Variants in FER1L6 observed in about 807,000 individuals in gnomAD.
FER1L6 encodes the protein fer-1 like family member 6, also known as fer-1-like protein 6.
Under a neutral mutation model 219.2 loss-of-function variants are expected in FER1L6, and 177 were observed. The ratio of observed to expected loss-of-function variants is 0.81; its 90% confidence interval spans 0.71 to 0.91. FER1L6 has a LOEUF of 0.91. Among genes scored for constraint, FER1L6 ranks in the 40% least tolerant of loss-of-function variants. The pLI, the probability that FER1L6 is intolerant of heterozygous loss-of-function variation, is 0.00. For missense variants in FER1L6, 2,153 were observed against 2,259.9 expected, an observed-to-expected ratio of 0.95 and a Z score of 0.96; for synonymous variants, 768 against 824.3, an observed-to-expected ratio of 0.93 and a Z score of 1.17.
At chr8:124,058,994 A>C (rs1820434304) in intron 22 of FER1L6, 1 of 152,234 alleles carries the variant, frequency 6.6e-6, no homozygotes, top group African/African-American at 2.4e-5. Context: ...GAATGGTGAT[A>C]TATTTGCATT....
intron 12 of FER1L6, among the ~76,000 whole-genome samples, chr8:123,987,726 A>T (rs566502902): frequency 6.6e-6 from 1 of 152,250 alleles, no homozygotes; most frequent in Non-Finnish European, 1.5e-5. Context: ...GTCTAGTTTC[A>T]TTCTTCTTTA....
intron 12 of FER1L6, among the ~76,000 whole-genome samples, chr8:123,999,898 C>T (rs1453494389): frequency 1.3e-5 from 2 of 152,112 alleles, no homozygotes; most frequent in African/African-American, 4.8e-5. Flanking sequence ...GCTTATGTCT[C>T]ACTAGGGCAT....
At chr8:123,934,367 A>T (rs1032823236) in intron 1 of FER1L6, among the ~76,000 whole-genome samples, 2 of 151,588 alleles carry the variant, frequency 1.3e-5, no homozygotes, top group Non-Finnish European at 2.9e-5. Context: ...TTTAGTCACA[A>T]TGTTTCTAGT....
chr8:124,083,404 T>C (rs991508285), intron 33 of FER1L6, among the ~76,000 whole-genome samples: 1 of 152,288 alleles, frequency 6.6e-6, no homozygotes, highest in African/African-American at 2.4e-5. Flanking sequence ...TTTTTGCATA[T>C]GATGAGACAC....
intron 12 of FER1L6, among the ~76,000 whole-genome samples, chr8:123,995,436 T>C (rs182411250): frequency 6.6e-6 from 1 of 152,320 alleles, no homozygotes; most frequent in East Asian, 1.9e-4. Context: ...ATCCATTTCT[T>C]CTAGGTTTTC....
rs1815730012 is a variant in FER1L6 at position 123,970,058 on chromosome 8, G to GC, written c.412dup (p.Gln138ProfsTer6). On this transcript the variant is annotated frameshift_variant, in exon 6 of 41. Transcript: ENST00000522917. LOFTEE classifies it high-confidence loss of function. ...AGTACTTTGTCTTCGACTTCATTGG[G>GC]CCCCAAGTGCATCTTTTTGACAAGA... 6.2e-7 allele frequency: 1 copy of GC among 1,613,842 alleles called. No homozygotes were observed. Among genetic ancestry groups the GC allele is most frequent in the Admixed American group, 1.7e-5 (1 of 59,980 alleles).
chr8:124,017,678 C>A lies in FER1L6; in HGVS notation c.1973C>A (p.Thr658Asn). ...EKKPKMLNQT[T>N]LDKKRLTLCW... is the part of the protein sequence containing the mutation. ...AAGCCCAAGATGTTGAACCAAACCACTTTAGATAAGAAGCGACTTACGCTC... is the reference window on the plus strand; with the variant it reads ...AAGCCCAAGATGTTGAACCAAACCAATTTAGATAAGAAGCGACTTACGCTC... Residue 658 changes from threonine to asparagine, a missense_variant, in exon 16 of 41, where the codon ACT becomes AAT. Coordinates refer to ENST00000522917, the MANE Select transcript of FER1L6 (RefSeq NM_001039112.2). The A allele has an allele frequency of 6.2e-7, 1 of 1,613,872 alleles. No homozygotes were observed. Among genetic ancestry groups the A allele is most frequent in the Non-Finnish European group, 8.5e-7 (1 of 1,179,794 alleles).
chr8:123,997,544 C>A (rs1405423252), intron 12 of FER1L6, among the ~76,000 whole-genome samples: 2 of 152,068 alleles, frequency 1.3e-5, no homozygotes, highest in South Asian at 2.1e-4. Context: ...ATATTGAAAT[C>A]TTTCTCTAGG....
intron 18 of FER1L6, among the ~76,000 whole-genome samples, chr8:124,027,161 T>A (rs186627327): frequency 4.2e-4 from 64 of 152,304 alleles, no homozygotes; most frequent in African/African-American, 1.4e-3. Context: ...ACTAATTATA[T>A]CTGCATTGAC....
rs975087259 is a variant in FER1L6 at position 124,076,262 on chromosome 8, G to T, written c.4157G>T (p.Gly1386Val). The T allele has an allele frequency of 3.1e-6, 5 of 1,613,922 alleles. No individual in the cohort carries two copies. In the African/African-American group the frequency reaches 6.7e-5, roughly 22 times the overall value. The change falls in exon 32 of 41, where the codon GGC becomes GTC. Residue 1386 changes from glycine (G) to valine (V), a missense_variant. Transcript: ENST00000522917. ...KSDPYIVIKL[G>V]KTEIKDRDKY... Reference sequence around the variant, plus strand: ...GATCCCTACATTGTGATCAAGCTTGGCAAGACAGAAATCAAAGACCGGGAT... The same window carrying T: ...GATCCCTACATTGTGATCAAGCTTGTCAAGACAGAAATCAAAGACCGGGAT...
At chr8:123,898,642 T>TA (rs1812789309) in intron 1 of FER1L6, among the ~76,000 whole-genome samples, 7 of 123,348 alleles carry the variant, frequency 5.7e-5, no homozygotes, top group Admixed American at 8.2e-5. Flanking sequence ...AGTATTCCAT[T>TA]TTATATATAT....
chr8:123,987,663 T>C (rs1816654137), intron 12 of FER1L6, among the ~76,000 whole-genome samples: 2 of 152,216 alleles, frequency 1.3e-5, no homozygotes, highest in Admixed American at 6.5e-5. Context: ...AGGACTTAGA[T>C]TTAAGTCTTT....
intron 33 of FER1L6, among the ~76,000 whole-genome samples, chr8:124,084,484 T>A (rs1821704698): frequency 6.6e-6 from 1 of 152,150 alleles, no homozygotes; most frequent in African/African-American, 2.4e-5. Flanking sequence ...AATATTGAAT[T>A]TCATCAAATG....
intron 1 of FER1L6, among the ~76,000 whole-genome samples, chr8:123,854,592 T>C (rs920080968): frequency 6.6e-6 from 1 of 152,158 alleles, no homozygotes; most frequent in Non-Finnish European, 1.5e-5. Flanking sequence ...GGAATGTGAA[T>C]AGAACAGGGG....
At chr8:123,882,750 T>G (rs1817130760) in intron 1 of FER1L6, among the ~76,000 whole-genome samples, 1 of 151,954 alleles carries the variant, frequency 6.6e-6, no homozygotes, top group African/African-American at 2.4e-5. Flanking sequence ...ATGAATAGAG[T>G]ACGGAGGATT....
In FER1L6 at chr8:124,070,394, T is replaced by A. The variant is rs1050205741; in HGVS notation, c.3835-73T>A. 4.0e-5 allele frequency: 62 copies of A among 1,552,292 alleles called. 1 individual carries two copies. The African/African-American group carries it at 7.6e-4, about 19-fold the overall frequency. On this transcript the variant is annotated intron_variant, in intron 29 of 40. Coordinates refer to ENST00000522917, the MANE Select transcript of FER1L6 (RefSeq NM_001039112.2). ...ATATATCAAGGCTGGTTTTGGAGAA[T>A]CTTGGCATTTCTCATTAAATCAATC...
rs1352102259 is a variant in FER1L6, at chr8:123,977,515, C to T, written c.969C>T (p.Ile323=). The stretch of plus-strand genomic sequence containing the variant: ...CTCCCTTGTGTCGGAGGGTGAAAAT[C>T]CAGGTGTGGGATGAAGGCAGCATGA... ...MFPPLCRRVK[I]QVWDEGSMND... The change falls in exon 10 of 41, where the codon ATC becomes ATT. Residue 323 remains isoleucine, a synonymous_variant. Coordinates refer to ENST00000522917, the MANE Select transcript of FER1L6 (RefSeq NM_001039112.2). 2 of 1,614,016 alleles carry T rather than the reference C, an allele frequency of 1.2e-6. No individual in the cohort carries two copies. The highest frequency in any genetic ancestry group is 4.5e-5 in the East Asian group (2 of 44,854).
Position 124,097,004 on chromosome 8 carries a change from C to T in FER1L6, c.4696-267C>T, listed in dbSNP as rs113292786. ...TGTATAGATAGCATTATGTCTACCC[C>T]CTAGTTGATGCTCAATAAAGGTTTG... On this transcript the variant is annotated intron_variant, in intron 35 of 40. Transcript: ENST00000522917. Among the ~76,000 whole-genome samples the T allele has an allele frequency of 1.1e-3, 160 of 151,906 alleles. 2 individuals are homozygous for T. The East Asian group carries it at 0.017, about 16-fold the overall frequency.
At chr8:124,006,918 T>C (rs16899188) in intron 13 of FER1L6, among the ~76,000 whole-genome samples, 5,493 of 152,226 alleles carry the variant, frequency 0.036, 215 homozygotes, top group East Asian at 0.11. Flanking sequence ...CACGAGATGA[T>C]CCAAACCAAA....
Sources: allele counts gnomAD v4.1 joint callset (sites outside exome capture counted in the v4.1 genomes callset), GRCh38; gene constraint gnomAD v4.1.1; transcripts MANE v1.5; gene names NCBI Gene and HGNC (gene_info 2026-07-23, HGNC 2026-07-21).